The following SSBP3 variants were observed in gnomAD, a reference collection of about 807,000 sequenced individuals.
SSBP3 encodes the protein single stranded DNA binding protein 3.
SSBP3 carries 5 observed loss-of-function variants against 69.6 expected under a neutral mutation model. The observed-to-expected ratio is 0.07, with a 90% CI of 0.04 to 0.15. SSBP3 has a LOEUF of 0.15. SSBP3 is among the 10% of genes least tolerant of loss of function. SSBP3 has a pLI of 1.00. For synonymous variants in SSBP3, 196 were observed against 193.4 expected (o/e 1.01, Z -0.11); for missense variants, 312 against 534.0 (o/e 0.58, Z 4.10).
intron 5 of SSBP3, among the ~76,000 whole-genome samples, chr1:54,265,200 G>A (rs189565354): frequency 1.3e-5 from 2 of 152,214 alleles, no homozygotes; most frequent in African/African-American, 4.8e-5. Context: ...GGGGGAGGAA[G>A]GGAAAGCAAG....
chr1:54,359,776 G>T (rs1321230618), intron 4 of SSBP3, among the ~76,000 whole-genome samples: 1 of 152,200 alleles, frequency 6.6e-6, no homozygotes, highest in Non-Finnish European at 1.5e-5. Flanking sequence ...AAATGGAGCA[G>T]GTGAGCATTC....
At chr1:54,329,967 G>A (rs879262470) in intron 4 of SSBP3, among the ~76,000 whole-genome samples, 5 of 152,142 alleles carry the variant, frequency 3.3e-5, no homozygotes, top group African/African-American at 7.2e-5. Context: ...ACACCAAGGA[G>A]ACCACGCATC....
intron 5 of SSBP3, among the ~76,000 whole-genome samples, chr1:54,259,583 G>A (rs1007334905): frequency 6.6e-6 from 1 of 152,244 alleles, no homozygotes; most frequent in Non-Finnish European, 1.5e-5. Flanking sequence ...ATGTGCACAG[G>A]GGGTGAGTGT....
chr1:54,295,826 A>G (rs977968030), intron 4 of SSBP3, among the ~76,000 whole-genome samples: 1 of 152,068 alleles, frequency 6.6e-6, no homozygotes, highest in Non-Finnish European at 1.5e-5. Flanking sequence ...CCTCCCTGCT[A>G]GTTTCTGCCA....
intron 4 of SSBP3, among the ~76,000 whole-genome samples, chr1:54,381,739 G>C (rs1342811694): frequency 6.6e-6 from 1 of 152,232 alleles, no homozygotes; most frequent in Non-Finnish European, 1.5e-5. Flanking sequence ...CAAGCAACAA[G>C]TCCAAAAATG....
chr1:54,263,278 C>T (rs992300702), intron 5 of SSBP3, among the ~76,000 whole-genome samples: 9 of 152,234 alleles, frequency 5.9e-5, no homozygotes, highest in African/African-American at 2.2e-4. Flanking sequence ...ACCCCCAGCC[C>T]TCCCGCACGC....
intron 5 of SSBP3, among the ~76,000 whole-genome samples, chr1:54,271,205 G>A (rs1203842669): frequency 6.6e-6 from 1 of 152,212 alleles, no homozygotes; most frequent in South Asian, 2.1e-4. Flanking sequence ...CAATCTCCAG[G>A]GCTCAAGCCA....
At chr1:54,340,097 C>T (rs763615913) in intron 4 of SSBP3, among the ~76,000 whole-genome samples, 3 of 152,046 alleles carry the variant, frequency 2.0e-5, no homozygotes, top group Non-Finnish European at 4.4e-5. Context: ...TCAAGGAAGG[C>T]ATTTGCTTTT....
chr1:54,300,459 C>G (rs1645781492), intron 4 of SSBP3, among the ~76,000 whole-genome samples: 1 of 152,170 alleles, frequency 6.6e-6, no homozygotes, highest in Non-Finnish European at 1.5e-5. Context: ...GTACCTGGCA[C>G]ACGGAGACAC....
chr1:54,250,186 T>A (rs2100701844), intron 9 of SSBP3, among the ~76,000 whole-genome samples: 1 of 152,304 alleles, frequency 6.6e-6, no homozygotes, highest in South Asian at 2.1e-4. Flanking sequence ...TAAAAGGAGC[T>A]AGCAGAAACG....
intron 5 of SSBP3, among the ~76,000 whole-genome samples, chr1:54,269,333 C>A (rs1233059106): frequency 6.6e-6 from 1 of 152,176 alleles, no homozygotes; most frequent in Non-Finnish European, 1.5e-5. Context: ...CCCCAAAGCC[C>A]TTGACGGCCC....
chr1:54,402,348 T>A (rs996024002), intron 3 of SSBP3, among the ~76,000 whole-genome samples: 1 of 152,180 alleles, frequency 6.6e-6, no homozygotes, highest in Non-Finnish European at 1.5e-5. Flanking sequence ...ACTGTTCTAA[T>A]CTGTTTCCTT....
chr1:54,383,384 GAA>G (rs71736550), intron 4 of SSBP3, among the ~76,000 whole-genome samples: 9 of 148,142 alleles, frequency 6.1e-5, no homozygotes, highest in African/African-American at 2.0e-4. Flanking sequence ...TCTCTAAAAG[GAA>G]AAAAAAAAAG....
At chr1:54,313,460 T>TC (rs1646041982) in intron 4 of SSBP3, among the ~76,000 whole-genome samples, 2 of 145,034 alleles carry the variant, frequency 1.4e-5, no homozygotes, top group African/African-American at 2.7e-5. Flanking sequence ...TTTTTTTTTT[T>TC]TCTTTTTAAA....
chr1:54,411,181 A>G (rs1172661796), upstream of SSBP3, among the ~76,000 whole-genome samples: 1 of 152,180 alleles, frequency 6.6e-6, no homozygotes, highest in Non-Finnish European at 1.5e-5. Flanking sequence ...TTTCCTTCAT[A>G]AGAATTTAAG....
intron 4 of SSBP3, among the ~76,000 whole-genome samples, chr1:54,305,440 G>T (rs372978571): frequency 6.6e-4 from 101 of 152,270 alleles, no homozygotes; most frequent in African/African-American, 2.3e-3. Context: ...GCTGGAGTTG[G>T]AGTTTAGGAG....
intron 5 of SSBP3, among the ~76,000 whole-genome samples, chr1:54,259,581 AG>A (rs1437771597): frequency 6.6e-6 from 1 of 152,224 alleles, no homozygotes; most frequent in African/African-American, 2.4e-5. Flanking sequence ...AAATGTGCAC[AG>A]GGGGTGAGTG....
intron 7 of SSBP3, among the ~76,000 whole-genome samples, chr1:54,253,651 C>T (rs888762784): frequency 2.0e-5 from 3 of 152,182 alleles, no homozygotes; most frequent in South Asian, 2.1e-4. Flanking sequence ...GGCTGGTTTG[C>T]GTCTGCCCAC....
intron 4 of SSBP3, among the ~76,000 whole-genome samples, chr1:54,371,860 C>T (rs967005315): frequency 1.3e-5 from 2 of 152,152 alleles, no homozygotes; most frequent in Admixed American, 1.3e-4. Context: ...ACCCTGCAAC[C>T]ACCACCTGGT....
Sources: allele counts gnomAD v4.1 joint callset (sites outside exome capture counted in the v4.1 genomes callset), GRCh38; gene constraint gnomAD v4.1.1; transcripts MANE v1.5; gene names NCBI Gene and HGNC (gene_info 2026-07-23, HGNC 2026-07-21).